MEI4: variants seen among roughly 807,000 people sequenced by gnomAD.
MEI4 encodes meiotic double-stranded break formation protein 4, also known as meiosis-specific protein MEI4.
A neutral mutation model predicts 31.4 loss-of-function variants in MEI4; 27 were observed. The ratio of observed to expected loss-of-function variants is 0.86; its 90% CI spans 0.63 to 1.19. The LOEUF is 1.19. MEI4 is among the 50% of genes most tolerant of loss of function. The pLI is 0.00. For synonymous variants in MEI4, 122 were observed against 145.4 expected (o/e 0.84, Z 1.16); for missense variants, 329 against 398.9 (o/e 0.82, Z 1.49).
At chr6:77,767,886 C>T (rs1274854428) in intron 3 of MEI4, among the ~76,000 whole-genome samples, 1 of 151,502 alleles carries the variant, frequency 6.6e-6, no homozygotes, top group African/African-American at 2.4e-5. Flanking sequence ...TTTCATTGCT[C>T]ATGCAGAGGA....
intron 3 of MEI4, among the ~76,000 whole-genome samples, chr6:77,807,816 G>A (rs148494401): frequency 0.03 from 4,612 of 152,214 alleles, 90 homozygotes; most frequent in Non-Finnish European, 0.042. Flanking sequence ...TATCCCAGAA[G>A]TTATTCCAGT....
At chr6:77,908,021 T>A (rs13216795) in intron 4 of MEI4, among the ~76,000 whole-genome samples, 18,175 of 151,490 alleles carry the variant, frequency 0.12, 1,303 homozygotes, top group South Asian at 0.18. Context: ...TAAATTTGTT[T>A]GAGTTCATTG....
intron 4 of MEI4, among the ~76,000 whole-genome samples, chr6:77,889,512 A>G (rs541598141): frequency 1.3e-5 from 2 of 152,344 alleles, no homozygotes; most frequent in African/African-American, 4.8e-5. Flanking sequence ...TAAGCAGCAA[A>G]TCATTCAAGA....
chr6:77,808,305 G>T (rs1404331999), intron 3 of MEI4, among the ~76,000 whole-genome samples: 1 of 152,198 alleles, frequency 6.6e-6, no homozygotes, highest in African/African-American at 2.4e-5. Context: ...GTTTTGAAAA[G>T]ATCAGTGGTC....
chr6:77,909,053 C>A, intron 4 of MEI4, among the ~76,000 whole-genome samples: 1 of 152,222 alleles, frequency 6.6e-6, no homozygotes, highest in East Asian at 1.9e-4. Context: ...CATATACATT[C>A]TTTTCAGCAC....
chr6:77,762,987 T>C lies in MEI4; in HGVS notation c.768+1322T>C, dbSNP rs147081246. Reference sequence around the variant, plus strand: ...TTTAAACACTACTTTAAGCAGTCTTTATGTAACTTGGAACCTTGAAGATAC... The same window carrying C: ...TTTAAACACTACTTTAAGCAGTCTTCATGTAACTTGGAACCTTGAAGATAC... On this transcript the variant is annotated intron_variant, in intron 3 of 4. Coordinates refer to ENST00000684080, the MANE Select transcript of MEI4 (RefSeq NM_001322247.2). 3.4e-3 allele frequency among the ~76,000 whole-genome samples: 513 copies of C among 152,248 alleles called. 2 individuals are homozygous for C. The highest frequency in any genetic ancestry group is 0.012 in the African/African-American group (500 of 41,528).
chr6:77,731,977 A>G (rs1472975842), intron 2 of MEI4, among the ~76,000 whole-genome samples: 2 of 147,162 alleles, frequency 1.4e-5, no homozygotes, highest in Non-Finnish European at 3.0e-5. Context: ...GTTCTGTTCC[A>G]TTGATCTATA....
At position 77,761,270 on chromosome 6, in the gene MEI4, T is replaced by C. The variant is rs1037151391; in HGVS notation, c.373T>C (p.Cys125Arg). Reference protein sequence around the residue: ...SDLSQHFVESCTPTHFPPLPL... With the variant: ...SDLSQHFVESRTPTHFPPLPL... ...CCTGTCCCAGCACTTTGTGGAAAGCTGTACCCCCACTCACTTTCCACCACT... is the reference window on the plus strand; with the variant it reads ...CCTGTCCCAGCACTTTGTGGAAAGCCGTACCCCCACTCACTTTCCACCACT... Residue 125 changes from cysteine (C) to arginine (R), a missense_variant, in exon 3 of 5, where the codon TGT becomes CGT. Cys to Arg is a radical substitution (Grantham distance 180). Transcript: ENST00000684080. 1.6e-6 allele frequency: 2 copies of C among 1,232,548 alleles called. No homozygotes were observed. The highest frequency in any genetic ancestry group is 3.1e-5 in the African/African-American group (2 of 64,422). The allele number at this position is 1,232,548 out of a possible 1,614,324, so 76.4% of individuals were successfully genotyped here. A position where few individuals can be genotyped will look rare whatever the true frequency, so the allele number is the denominator to read the frequency against.
At chr6:77,846,030 T>G (rs1401886137) in intron 4 of MEI4, among the ~76,000 whole-genome samples, 1 of 152,020 alleles carries the variant, frequency 6.6e-6, no homozygotes, top group African/African-American at 2.4e-5. Context: ...CTATTACATA[T>G]CAAGTGAATT....
chr6:77,744,543 T>C (rs985998661), intron 2 of MEI4, among the ~76,000 whole-genome samples: 2 of 151,854 alleles, frequency 1.3e-5, no homozygotes, highest in Admixed American at 6.6e-5. Context: ...GGAAAACACT[T>C]TTCAGGATAT....
chr6:77,917,781 A>G (rs1348140732), intron 4 of MEI4, among the ~76,000 whole-genome samples: 4 of 151,176 alleles, frequency 2.6e-5, no homozygotes, highest in Admixed American at 6.6e-5. Context: ...ATGAGATACC[A>G]TTTGTCAATT....
intron 2 of MEI4, among the ~76,000 whole-genome samples, chr6:77,755,590 T>C (rs1304348553): frequency 6.6e-6 from 1 of 152,090 alleles, no homozygotes; most frequent in African/African-American, 2.4e-5. Context: ...GGCTAACTTT[T>C]GTATTTTTAG....
In MEI4 at chr6:77,923,664, A is replaced by AAGTT. The variant is rs1766767759; in HGVS notation, c.*319_*322dup. ...ATTGTCTGTCCCTTAAAAGATATTG[A>AAGTT]AGTTGTAAAAGATTTCCATATAATT... On this transcript the variant is annotated 3_prime_UTR_variant, in exon 5 of 5. Coordinates refer to ENST00000684080, the MANE Select transcript of MEI4 (RefSeq NM_001322247.2). 5.9e-6 allele frequency: 1 copy of AAGTT among 170,226 alleles called. No individual in the cohort carries two copies. The highest frequency in any genetic ancestry group is 6.3e-5 in the Admixed American group (1 of 15,750). 10.5% of individuals were successfully genotyped at this position (170,226 alleles called of 1,614,324 possible).
intron 2 of MEI4, among the ~76,000 whole-genome samples, chr6:77,710,798 G>A (rs1004390912): frequency 6.6e-6 from 1 of 152,098 alleles, no homozygotes; most frequent in Non-Finnish European, 1.5e-5. Context: ...ACTGAGACAT[G>A]ATTCTTTCAT....
At chr6:77,798,221 GGTA>G (rs1769135192) in intron 3 of MEI4, among the ~76,000 whole-genome samples, 1 of 150,808 alleles carries the variant, frequency 6.6e-6, no homozygotes, top group Non-Finnish European at 1.5e-5. Context: ...ATGCAAAAAA[GGTA>G]GTAAAGAAGG....
At chr6:77,748,810 A>G (rs1463180847) in intron 2 of MEI4, among the ~76,000 whole-genome samples, 1 of 152,204 alleles carries the variant, frequency 6.6e-6, no homozygotes, top group Non-Finnish European at 1.5e-5. Context: ...TAGATTTTCT[A>G]AGTCATCTCT....
chr6:77,668,464 T>G (rs1768679039), intron 1 of MEI4, among the ~76,000 whole-genome samples: 1 of 152,198 alleles, frequency 6.6e-6, no homozygotes, highest in Admixed American at 6.5e-5. Flanking sequence ...TTTCTTCTAG[T>G]GGAAAGCTCC....
intron 2 of MEI4, among the ~76,000 whole-genome samples, chr6:77,730,584 G>A (rs1377419988): frequency 6.6e-6 from 1 of 150,746 alleles, no homozygotes; most frequent in Non-Finnish European, 1.5e-5. Context: ...TTTTAATTCA[G>A]TATTTTTTTT....
intron 4 of MEI4, among the ~76,000 whole-genome samples, chr6:77,916,734 T>C (rs538452066): frequency 6.6e-6 from 1 of 150,968 alleles, no homozygotes; most frequent in East Asian, 2.0e-4. Flanking sequence ...ATTGCATCAA[T>C]TCAGTCACAT....
Sources: gnomAD v4.1 joint callset for allele counts (sites outside exome capture counted in the v4.1 genomes callset) on GRCh38, gnomAD v4.1.1 for gene constraint, MANE v1.5 for transcripts, NCBI Gene and HGNC (gene_info 2026-07-23, HGNC 2026-07-21) for gene names.